The following OXR1 variants were observed in gnomAD, a reference collection of about 807,000 sequenced individuals.
OXR1 encodes the protein oxidation resistance 1.
A neutral mutation model predicts 104.6 loss-of-function variants in OXR1; 41 were observed. That is an observed-to-expected ratio of 0.39 (90% CI 0.31 to 0.51). The LOEUF is 0.51. Ranked by LOEUF, OXR1 falls within the 20% of genes least tolerant of loss-of-function variation. The probability of loss-of-function intolerance (pLI) is 0.77; values close to 1 mark genes in which losing one functional copy is unlikely to be tolerated. For missense variants in OXR1, 955 were observed against 1,031.9 expected (o/e 0.93, Z 1.02); for synonymous variants, 348 against 348.4 (o/e 1.00, Z 0.01).
chr8:106,697,897 C>T (rs1019913426), intron 7 of OXR1: 13 of 1,612,278 alleles, frequency 8.1e-6, no homozygotes, highest in South Asian at 6.6e-5. Flanking sequence ...CACATCCTTT[C>T]GGCACTGGGT....
At chr8:106,316,462 A>G (rs189733145) in intron 1 of OXR1, among the ~76,000 whole-genome samples, 12 of 152,272 alleles carry the variant, frequency 7.9e-5, no homozygotes, top group Admixed American at 4.6e-4. Flanking sequence ...TTTATCTGCC[A>G]TCTTCTTACC....
intron 15 of OXR1, among the ~76,000 whole-genome samples, chr8:106,744,167 A>G (rs1835184341): frequency 6.6e-6 from 1 of 152,222 alleles, no homozygotes; most frequent in Non-Finnish European, 1.5e-5. Context: ...TACCTGTGTA[A>G]CAAACCTGTG....
intron 3 of OXR1, among the ~76,000 whole-genome samples, chr8:106,549,596 A>G (rs1009446411): frequency 3.3e-5 from 5 of 152,206 alleles, no homozygotes; most frequent in African/African-American, 9.6e-5. Context: ...GATGGCTTAT[A>G]AACAACAGAA....
chr8:106,695,023 A>G (rs1264175014), intron 7 of OXR1, among the ~76,000 whole-genome samples: 1 of 119,964 alleles, frequency 8.3e-6, no homozygotes, highest in Non-Finnish European at 1.8e-5. Context: ...GTAGCATTAT[A>G]TATGCCACTT....
intron 3 of OXR1, among the ~76,000 whole-genome samples, chr8:106,578,983 C>CTTTTTTTTTTTTTTTT (rs146593561): frequency 2.3e-5 from 3 of 131,002 alleles, no homozygotes; most frequent in African/African-American, 3.0e-5. Flanking sequence ...CTCACTTTTT[C>CTTTTTTTTTTTTTTTT]TTTCTTTTTT....
In OXR1 at chr8:106,591,828, T is replaced by C. The variant is rs551374749; in HGVS notation, c.220+72689T>C. Among the ~76,000 whole-genome samples, 7 of 152,324 alleles carry C rather than the reference T, an allele frequency of 4.6e-5. No individual in the cohort carries two copies. The East Asian group carries it at 1.2e-3, about 25-fold the overall frequency. Reference sequence around the variant, plus strand: ...AAGAAAAGACATTTTACAATCCATTTCTCTGAAAACATCCGTTCTTTATCT... The same window carrying C: ...AAGAAAAGACATTTTACAATCCATTCCTCTGAAAACATCCGTTCTTTATCT... On this transcript the variant is annotated intron_variant, in intron 3 of 16. Transcript: ENST00000517566.
intron 3 of OXR1, among the ~76,000 whole-genome samples, chr8:106,604,016 G>A (rs1820173214): frequency 6.6e-6 from 1 of 152,142 alleles, no homozygotes; most frequent in Non-Finnish European, 1.5e-5. Context: ...TAGTGCCACT[G>A]CACTCCAGCC....
intron 3 of OXR1, among the ~76,000 whole-genome samples, chr8:106,678,447 A>G (rs1380112332): frequency 6.6e-6 from 1 of 151,906 alleles, no homozygotes; most frequent in Non-Finnish European, 1.5e-5. Flanking sequence ...TTTGTGATTT[A>G]TTTAGTTTTT....
chr8:106,347,966 A>C (rs1177533330), intron 1 of OXR1, among the ~76,000 whole-genome samples: 1 of 152,226 alleles, frequency 6.6e-6, no homozygotes, highest in Non-Finnish European at 1.5e-5. Flanking sequence ...AAAATGTATA[A>C]AATGTGAAGA....
intron 2 of OXR1, among the ~76,000 whole-genome samples, chr8:106,415,495 G>C (rs77335416): frequency 9.5e-5 from 14 of 147,016 alleles, no homozygotes; most frequent in Non-Finnish European, 7.5e-5. Context: ...TTTTAAGACT[G>C]TGTGTGTGTG....
chr8:106,522,514 G>A (rs1489178177), intron 3 of OXR1, among the ~76,000 whole-genome samples: 1 of 152,176 alleles, frequency 6.6e-6, no homozygotes, highest in African/African-American at 2.4e-5. Context: ...GATATGGAGG[G>A]ATGGCTGTAT....
At chr8:106,561,524 A>C (rs544071006) in intron 3 of OXR1, among the ~76,000 whole-genome samples, 40 of 152,328 alleles carry the variant, frequency 2.6e-4, no homozygotes, top group African/African-American at 9.4e-4. Flanking sequence ...GAGCACCTGC[A>C]GGAAGGGGCG....
At chr8:106,374,443 C>T (rs1816831715) in intron 2 of OXR1, among the ~76,000 whole-genome samples, 1 of 152,146 alleles carries the variant, frequency 6.6e-6, no homozygotes, top group Non-Finnish European at 1.5e-5. Flanking sequence ...ATCTAACTTG[C>T]TAATGCTATT....
intron 12 of OXR1, among the ~76,000 whole-genome samples, chr8:106,737,926 A>G (rs1333756444): frequency 6.6e-6 from 1 of 152,196 alleles, no homozygotes; most frequent in Non-Finnish European, 1.5e-5. Context: ...TTTTCTAAAC[A>G]AAATCTGAAA....
intron 3 of OXR1, among the ~76,000 whole-genome samples, chr8:106,611,568 T>C (rs1466645532): frequency 6.6e-6 from 1 of 152,170 alleles, no homozygotes; most frequent in Non-Finnish European, 1.5e-5. Context: ...GGATAGACCC[T>C]GGAGAACCAG....
At chr8:106,745,653 G>C in intron 15 of OXR1, 136 bp from the exon 16 acceptor site, 1 of 489,530 alleles carries the variant, frequency 2.0e-6, no homozygotes, top group Non-Finnish European at 3.6e-6. Flanking sequence ...AGAGCCTTCT[G>C]TGCGGAGCTT....
intron 3 of OXR1, among the ~76,000 whole-genome samples, chr8:106,623,940 G>A (rs998891401): frequency 6.6e-6 from 1 of 152,162 alleles, no homozygotes; most frequent in African/African-American, 2.4e-5. Flanking sequence ...ACCAGAACAA[G>A]AAATTCTGTT....
intron 3 of OXR1, among the ~76,000 whole-genome samples, chr8:106,621,570 T>C (rs1821707173): frequency 6.6e-6 from 1 of 151,756 alleles, no homozygotes; most frequent in African/African-American, 2.4e-5. Flanking sequence ...GATACTTCAA[T>C]GGCACTTGAA....
intron 1 of OXR1, among the ~76,000 whole-genome samples, chr8:106,285,411 G>C (rs1812454866): frequency 6.6e-6 from 1 of 152,062 alleles, no homozygotes; most frequent in African/African-American, 2.4e-5. Context: ...TTACTTGCCA[G>C]CTCATTATAT....
Sources: gnomAD v4.1 joint callset for allele counts (sites outside exome capture counted in the v4.1 genomes callset) on GRCh38, gnomAD v4.1.1 for gene constraint, MANE v1.5 for transcripts, NCBI Gene and HGNC (gene_info 2026-07-23, HGNC 2026-07-21) for gene names.